PCSK1: variants seen among roughly 807,000 people sequenced by gnomAD.
PCSK1 encodes proprotein convertase subtilisin/kexin type 1, also known as neuroendocrine convertase 1.
PCSK1 carries 56 observed loss-of-function variants against 90.6 expected under a neutral mutation model. The ratio of observed to expected loss-of-function variants is 0.62; its 90% CI spans 0.50 to 0.77. The LOEUF (loss-of-function observed/expected upper bound fraction) is 0.77. PCSK1 is among the 30% of genes least tolerant of loss of function. The pLI is 0.00. For synonymous variants in PCSK1, 348 were observed against 342.4 expected (o/e 1.02, Z -0.18); for missense variants, 801 against 932.6 (o/e 0.86, Z 1.84).
chr5:96,416,343 A>C (rs1375390259), intron 5 of PCSK1, among the ~76,000 whole-genome samples: 1 of 152,214 alleles, frequency 6.6e-6, no homozygotes, highest in African/African-American at 2.4e-5. Context: ...TCTGCCATTC[A>C]CTAAGGGTGT....
At position 96,391,766 on chromosome 5, in the gene PCSK1, G is replaced by A. The variant is rs913941125; in HGVS notation, c.*1235C>T. The A allele has an allele frequency of 1.3e-5, 2 of 152,162 alleles. No homozygotes were observed. The highest frequency in any genetic ancestry group is 2.9e-5 in the Non-Finnish European group (2 of 68,034). The allele number at this position is 152,162 out of a possible 1,614,324, so 9.4% of individuals were successfully genotyped here. On this transcript the variant is annotated 3_prime_UTR_variant, in exon 14 of 14. Transcript: ENST00000311106. ...TAACTGTTGCCATGAGCAAAGATGG[G>A]TCCGAGAATGAGGTTTTATGTGAAA... is the stretch of plus-strand genomic sequence containing the variant.
rs1333368193 is a variant in PCSK1, at chr5:96,394,952, T to C, written c.1796A>G (p.Glu599Gly). The change falls in exon 13 of 14, where the codon GAG becomes GGG. Residue 599 changes from glutamate (E) to glycine (G), a missense_variant. Glu to Gly is a moderately conservative substitution (Grantham distance 98). Transcript: ENST00000311106. ...GTACACACGAGGCTGCTTCATATGC[T>C]CTGGCTGAGAAGAGGTCCCGTGCAA... The part of the protein sequence containing the change: ...LILHGTSSQP[E>G]HMKQPRVYTS... The C allele has an allele frequency of 2.5e-6, 4 of 1,614,066 alleles. No homozygotes were observed. In the East Asian group the frequency reaches 6.7e-5, roughly 27 times the overall value.
At position 96,410,965 on chromosome 5, in the gene PCSK1, T is replaced by G. The variant is rs1472682061; in HGVS notation, c.904A>C (p.Ile302Leu). ...CCGTTTCCCGAAGCCCAGACGAAGA[T>G]GGACCCCTTCCCCTGTCTCCCCTAA... ...VKQGRQGKGSIFVWASGNGGR... is the reference protein window; with the variant it reads ...VKQGRQGKGSLFVWASGNGGR... Residue 302 changes from isoleucine to leucine, a missense_variant, in exon 8 of 14, where the codon ATC becomes CTC. Ile to Leu is a conservative substitution (Grantham distance 5, BLOSUM62 2). Transcript: ENST00000311106. 3 of 1,613,526 alleles carry G rather than the reference T, an allele frequency of 1.9e-6. No individual in the cohort carries two copies. Among genetic ancestry groups the G allele is most frequent in the Non-Finnish European group, 2.5e-6 (3 of 1,179,852 alleles).
intron 7 of PCSK1, among the ~76,000 whole-genome samples, chr5:96,411,887 G>A (rs1760765441): frequency 1.3e-5 from 2 of 152,206 alleles, no homozygotes; most frequent in South Asian, 4.1e-4. Context: ...TCAGCTCACT[G>A]CTACCTCCGC....
chr5:96,392,486 T>C lies in PCSK1; in HGVS notation c.*515A>G, dbSNP rs1450211184. On this transcript the variant is annotated 3_prime_UTR_variant, in exon 14 of 14. Transcript: ENST00000311106. ...TACAGGAATGAGTGGCACTTTGGAA[T>C]AGAAAGATCTAGGGAATGAGTCTTA... is the stretch of plus-strand genomic sequence containing the variant. 1 of 155,750 alleles carries C rather than the reference T, an allele frequency of 6.4e-6. No homozygotes were observed. The highest frequency in any genetic ancestry group is 6.3e-5 in the Admixed American group (1 of 15,802). The allele number at this position is 155,750 out of a possible 1,614,324, so 9.6% of individuals were successfully genotyped here.
chr5:96,402,854 G>A (rs1379840592), intron 9 of PCSK1, among the ~76,000 whole-genome samples: 1 of 152,112 alleles, frequency 6.6e-6, no homozygotes, highest in East Asian at 1.9e-4. Flanking sequence ...CACCAGTTTA[G>A]GGATCCTCAG....
At position 96,421,968 on chromosome 5, in the gene PCSK1, A is replaced by G; in HGVS notation, c.544-12T>C. Reference sequence around the variant, plus strand: ...CTAGCCTCTGGATCCTAAAGAGACAACAAAATATAACACTGTGGCAGCATT... The same window carrying G: ...CTAGCCTCTGGATCCTAAAGAGACAGCAAAATATAACACTGTGGCAGCATT... On this transcript the variant is annotated splice_polypyrimidine_tract_variant and intron_variant, in intron 4 of 13. Transcript: ENST00000311106. 2.4e-6 allele frequency: 3 copies of G among 1,248,084 alleles called. No homozygotes were observed. In the South Asian group the frequency reaches 3.6e-5, roughly 15 times the overall value. 77.3% of individuals were successfully genotyped at this position (1,248,084 alleles called of 1,614,324 possible).
chr5:96,393,395 C>A lies in PCSK1; in HGVS notation c.1885-17G>T. On this transcript the variant is annotated splice_polypyrimidine_tract_variant and intron_variant, in intron 13 of 13. Transcript: ENST00000311106. ...GGGCTGCTCCTAAAACATAGAATGC[C>A]ATCCACAAAGGGAAGAAGGTTCATT... 6.2e-7 allele frequency: 1 copy of A among 1,613,192 alleles called. No homozygotes were observed. The highest frequency in any genetic ancestry group is 8.5e-7 in the Non-Finnish European group (1 of 1,179,816).
chr5:96,408,693 A>G (rs1031982686), intron 8 of PCSK1, among the ~76,000 whole-genome samples: 1 of 152,238 alleles, frequency 6.6e-6, no homozygotes, highest in Admixed American at 6.5e-5. Context: ...TTGGTCTGGC[A>G]TATTTAGAAA....
intron 9 of PCSK1, among the ~76,000 whole-genome samples, chr5:96,406,334 C>G (rs1401850243): frequency 2.0e-5 from 3 of 152,170 alleles, no homozygotes; most frequent in African/African-American, 7.2e-5. Flanking sequence ...TGATGCCAGT[C>G]TCAGCTTGTG....
intron 9 of PCSK1, among the ~76,000 whole-genome samples, chr5:96,401,459 T>G (rs271922): frequency 0.31 from 47,874 of 152,130 alleles, 8,084 homozygotes; most frequent in Admixed American, 0.43. Context: ...AGCTTATACT[T>G]TATCTTTTGG....
At chr5:96,405,189 CATACTT>C (rs1393797728) in intron 9 of PCSK1, among the ~76,000 whole-genome samples, 2 of 152,148 alleles carry the variant, frequency 1.3e-5, no homozygotes, top group Admixed American at 6.5e-5. Flanking sequence ...ATAGATCAGT[CATACTT>C]ATCTTACTGA....
rs771385828 is a variant in PCSK1 at position 96,432,847 on chromosome 5, A to C, written c.180+16T>G. On this transcript the variant is annotated intron_variant, in intron 1 of 13. Coordinates refer to ENST00000311106, the MANE Select transcript of PCSK1 (RefSeq NM_000439.5). ...CCTGGGGCCCCAGAAAGTTTCTTGA[A>C]AGTGGAAACTCTTACCTGACCCAAA... 1 of 1,611,322 alleles carries C rather than the reference A, an allele frequency of 6.2e-7. No individual in the cohort carries two copies. The highest frequency in any genetic ancestry group is 1.1e-5 in the South Asian group (1 of 90,978).
chr5:96,407,824 C>T (rs1760624486), intron 9 of PCSK1, among the ~76,000 whole-genome samples: 1 of 152,098 alleles, frequency 6.6e-6, no homozygotes, highest in African/African-American at 2.4e-5. Context: ...TAATACTGCC[C>T]ACTGGAAACT....
chr5:96,416,036 C>A lies in PCSK1; in HGVS notation c.706G>T (p.Gly236Ter), dbSNP rs1242239313. ...TAGGGACAATCCTCTGTTTTACCTC[C>A]AACTTTGGAATTGTATGCAACTCCA... ...GVGVAYNSKV[G>*]GIRMLDGIVT... Residue 236 changes from glycine to a stop codon, truncating the protein, a stop_gained, in exon 6 of 14, where the codon GGA (glycine) becomes TGA (stop). Coordinates refer to ENST00000311106, the MANE Select transcript of PCSK1 (RefSeq NM_000439.5). LOFTEE classifies it high-confidence loss of function. 6.2e-7 allele frequency: 1 copy of A among 1,601,034 alleles called. No homozygotes were observed. The highest frequency in any genetic ancestry group is 8.6e-7 in the Non-Finnish European group (1 of 1,168,148).
At chr5:96,409,912 T>C (rs1760697017) in intron 8 of PCSK1, among the ~76,000 whole-genome samples, 1 of 152,180 alleles carries the variant, frequency 6.6e-6, no homozygotes, top group African/African-American at 2.4e-5. Context: ...GTGTTGACAA[T>C]TTTGTTGAGA....
At chr5:96,411,074 G>A (rs1760738956) in intron 7 of PCSK1, 88 bp from the exon 8 acceptor site, 1 of 956,484 alleles carries the variant, frequency 1.0e-6, no homozygotes, top group Non-Finnish European at 1.7e-6. Context: ...GACTACATGT[G>A]TGAAATTCTC....
intron 5 of PCSK1, among the ~76,000 whole-genome samples, chr5:96,420,393 T>A (rs558139680): frequency 8.5e-5 from 13 of 152,294 alleles, no homozygotes; most frequent in Admixed American, 1.3e-4. Context: ...TGCTGTAAGC[T>A]CTCGAAACAC....
chr5:96,427,690 A>G (rs906593477), intron 2 of PCSK1, among the ~76,000 whole-genome samples: 14 of 152,212 alleles, frequency 9.2e-5, no homozygotes, highest in African/African-American at 3.1e-4. Context: ...ACAGTTAGGT[A>G]TGCTCTATTC....
Sources: allele counts gnomAD v4.1 joint callset (sites outside exome capture counted in the v4.1 genomes callset), GRCh38; gene constraint gnomAD v4.1.1; transcripts MANE v1.5; gene names NCBI Gene and HGNC (gene_info 2026-07-23, HGNC 2026-07-21).